Variants in NBEA observed in about 807,000 individuals in gnomAD.
NBEA encodes the protein lysosomal-trafficking regulator 2.
NBEA carries 44 observed loss-of-function variants against 343.4 expected under a neutral mutation model. That is an observed-to-expected ratio of 0.13 (90% CI 0.10 to 0.16). The LOEUF (loss-of-function observed/expected upper bound fraction) is 0.16, where lower values mean the gene tolerates loss of function less well. Among genes scored for constraint, NBEA ranks in the 10% least tolerant of loss-of-function variants. The pLI is 1.00. For missense variants in NBEA, 2,555 were observed against 3,631.3 expected (o/e 0.70, Z 7.62); for synonymous variants, 1,175 against 1,238.7 (o/e 0.95, Z 1.08).
chr13:35,246,710 C>T (rs2031253578), intron 34 of NBEA, among the ~76,000 whole-genome samples: 1 of 152,174 alleles, frequency 6.6e-6, no homozygotes, highest in South Asian at 2.1e-4. Flanking sequence ...AATGTACTCT[C>T]TGAAGGTCCT....
At chr13:35,373,047 A>T (rs76286248) in intron 38 of NBEA, among the ~76,000 whole-genome samples, 24,918 of 152,138 alleles carry the variant, frequency 0.16, 2,685 homozygotes, top group Admixed American at 0.26. Flanking sequence ...ACTCGCCTGA[A>T]TCTAGGACTG....
chr13:34,978,589 A>T (rs1203846296), intron 1 of NBEA, among the ~76,000 whole-genome samples: 1 of 152,196 alleles, frequency 6.6e-6, no homozygotes, highest in Non-Finnish European at 1.5e-5. Flanking sequence ...CATCCCAGAG[A>T]GTTCCTCGTA....
intron 31 of NBEA, among the ~76,000 whole-genome samples, chr13:35,206,183 C>T (rs772760963): frequency 1.3e-5 from 2 of 152,008 alleles, no homozygotes; most frequent in African/African-American, 4.8e-5. Context: ...GGTCTCATAA[C>T]TTATTTTTCC....
intron 1 of NBEA, among the ~76,000 whole-genome samples, chr13:35,005,702 G>T (rs1025730811): frequency 6.6e-6 from 1 of 152,082 alleles, no homozygotes; most frequent in South Asian, 2.1e-4. Flanking sequence ...CACCTAGCTG[G>T]AGCACTTAAT....
intron 1 of NBEA, among the ~76,000 whole-genome samples, chr13:35,008,818 T>G (rs2061397216): frequency 6.6e-6 from 1 of 152,214 alleles, no homozygotes; most frequent in African/African-American, 2.4e-5. Context: ...TTTGTAACCC[T>G]TACTTTTGGG....
intron 41 of NBEA, among the ~76,000 whole-genome samples, chr13:35,512,491 CTGTT>C (rs1161619751): frequency 1.3e-5 from 2 of 152,182 alleles, no homozygotes; most frequent in East Asian, 1.9e-4. Flanking sequence ...ACCAACTGCT[CTGTT>C]TGTCTTTCAT....
chr13:35,498,774 A>AT (rs1181393895), intron 41 of NBEA, among the ~76,000 whole-genome samples: 1 of 152,130 alleles, frequency 6.6e-6, no homozygotes, highest in Non-Finnish European at 1.5e-5. Flanking sequence ...TAATTACATG[A>AT]TATCTGTCTT....
chr13:35,379,433 G>GCA (rs1426742318), intron 38 of NBEA, among the ~76,000 whole-genome samples: 4 of 152,062 alleles, frequency 2.6e-5, no homozygotes, highest in Non-Finnish European at 5.9e-5. Context: ...TAAGAATTCA[G>GCA]TATATATTTT....
rs1015594077 is a variant in NBEA, at chr13:35,071,225, T to C, written c.1571+373T>C. On this transcript the variant is annotated intron_variant, in intron 10 of 58. Coordinates refer to ENST00000379939, the MANE Select transcript of NBEA (RefSeq NM_001385012.1). ...GAAGAAAATTACTAGGGTAAAGTTA[T>C]TCAGAAGAATAACATTTATTAGCAA... 5.3e-5 allele frequency among the ~76,000 whole-genome samples: 8 copies of C among 152,170 alleles called. No homozygotes were observed. In the South Asian group the frequency reaches 6.2e-4, roughly 12 times the overall value.
At chr13:35,461,717 T>C (rs1315060044) in intron 40 of NBEA, among the ~76,000 whole-genome samples, 2 of 152,214 alleles carry the variant, frequency 1.3e-5, no homozygotes, top group Admixed American at 6.5e-5. Context: ...TGAAAGACTT[T>C]GCCGCTTACT....
At chr13:35,500,034 G>T (rs1265347027) in intron 41 of NBEA, among the ~76,000 whole-genome samples, 4 of 151,930 alleles carry the variant, frequency 2.6e-5, no homozygotes, top group African/African-American at 7.3e-5. Flanking sequence ...ATTAAATTTG[G>T]GTCAAGCGTA....
chr13:35,528,002 A>G (rs962552936), intron 41 of NBEA, among the ~76,000 whole-genome samples: 2 of 152,164 alleles, frequency 1.3e-5, no homozygotes, highest in Non-Finnish European at 2.9e-5. Context: ...GTCTCAAAAA[A>G]TAAAAAAAAT....
intron 10 of NBEA, among the ~76,000 whole-genome samples, chr13:35,091,830 C>T (rs1341399111): frequency 1.3e-5 from 2 of 151,824 alleles, no homozygotes; most frequent in Non-Finnish European, 2.9e-5. Context: ...TATTCATGGA[C>T]TTAACATATA....
intron 30 of NBEA, among the ~76,000 whole-genome samples, chr13:35,193,046 A>G (rs2072313519): frequency 6.6e-6 from 1 of 151,908 alleles, no homozygotes; most frequent in African/African-American, 2.4e-5. Context: ...CATGCTAGTA[A>G]CCATGACACT....
chr13:35,066,673 T>C (rs781077054), intron 8 of NBEA, among the ~76,000 whole-genome samples: 3 of 152,064 alleles, frequency 2.0e-5, no homozygotes, highest in Non-Finnish European at 2.9e-5. Flanking sequence ...TTTTTATCTT[T>C]GAATATTCTA....
At chr13:35,380,614 C>T (rs61342546) in intron 38 of NBEA, among the ~76,000 whole-genome samples, 2,647 of 152,036 alleles carry the variant, frequency 0.017, 50 homozygotes, top group African/African-American at 0.044. Context: ...ATTTGTTTTC[C>T]TGCATATACT....
intron 33 of NBEA, among the ~76,000 whole-genome samples, chr13:35,218,415 A>G (rs2094402249): frequency 6.6e-6 from 1 of 151,224 alleles, no homozygotes; most frequent in Non-Finnish European, 1.5e-5. Flanking sequence ...TTCAAAATGT[A>G]TATGTATATA....
At chr13:35,543,692 G>A (rs1329069692) in intron 41 of NBEA, among the ~76,000 whole-genome samples, 1 of 152,066 alleles carries the variant, frequency 6.6e-6, no homozygotes, top group Non-Finnish European at 1.5e-5. Flanking sequence ...TGGGAGAATG[G>A]CAATGTGTTT....
At chr13:35,358,781 C>G (rs1009773542) in intron 38 of NBEA, among the ~76,000 whole-genome samples, 1 of 151,936 alleles carries the variant, frequency 6.6e-6, no homozygotes, top group Non-Finnish European at 1.5e-5. Context: ...AGAAAAGTGC[C>G]AAGTACTTTG....
Sources: allele counts gnomAD v4.1 joint callset (sites outside exome capture counted in the v4.1 genomes callset), GRCh38; gene constraint gnomAD v4.1.1; transcripts MANE v1.5; gene names NCBI Gene and HGNC (gene_info 2026-07-23, HGNC 2026-07-21).